Variants in PRR5L observed in about 807,000 individuals in gnomAD.
The protein encoded by PRR5L is proline rich 5 like.
A neutral mutation model predicts 36.4 loss-of-function variants in PRR5L; 21 were observed. The observed-to-expected ratio is 0.58, with a 90% CI of 0.41 to 0.83. PRR5L has a LOEUF of 0.83. PRR5L is among the 40% of genes least tolerant of loss of function. The pLI, the probability that PRR5L is intolerant of heterozygous loss-of-function variation, is 0.00. For synonymous variants in PRR5L, 188 were observed against 197.0 expected, an observed-to-expected ratio of 0.95 and a Z score of 0.38; for missense variants, 381 against 473.3, an observed-to-expected ratio of 0.80 and a Z score of 1.81.
In PRR5L at chr11:36,459,655, A is replaced by G. The variant is rs143984868; in HGVS notation, c.713-2687A>G. 3.4e-3 allele frequency among the ~76,000 whole-genome samples: 525 copies of G among 152,312 alleles called. 3 individuals carry two copies. The highest frequency in any genetic ancestry group is 6.1e-3 in the Non-Finnish European group (412 of 68,014). ...CAGTGGTGATAGCAGTACCCAGCTC[A>G]TTGGGTTGAGAGGATTTAATTATTC... On this transcript the variant is annotated intron_variant, in intron 8 of 8. Coordinates refer to ENST00000530639, the MANE Select transcript of PRR5L (RefSeq NM_001160167.2).
At chr11:36,361,890 G>A (rs12575749) in intron 1 of PRR5L, among the ~76,000 whole-genome samples, 2 of 151,856 alleles carry the variant, frequency 1.3e-5, no homozygotes, top group East Asian at 3.9e-4. Context: ...CTCTTCCCTC[G>A]AGGGGCTTGG....
intron 5 of PRR5L, among the ~76,000 whole-genome samples, chr11:36,434,805 G>A (rs1858571478): frequency 6.6e-6 from 1 of 152,048 alleles, no homozygotes; most frequent in African/African-American, 2.4e-5. Context: ...TGCTGGGTCT[G>A]TGTCTGTCAG....
chr11:36,382,338 C>T (rs1055641826), intron 1 of PRR5L, among the ~76,000 whole-genome samples: 2 of 152,192 alleles, frequency 1.3e-5, no homozygotes, highest in African/African-American at 2.4e-5. Context: ...GTGAGTTGCT[C>T]AGTTATTCTG....
intron 5 of PRR5L, among the ~76,000 whole-genome samples, chr11:36,436,106 C>T (rs1221984768): frequency 6.6e-6 from 1 of 152,260 alleles, no homozygotes; most frequent in African/African-American, 2.4e-5. Context: ...TTTGGACCTC[C>T]TGGCTACTAG....
intron 1 of PRR5L, chr11:36,380,479 C>T (rs1167037095): frequency 1.3e-5 from 2 of 152,184 alleles, no homozygotes; most frequent in Admixed American, 6.5e-5. Context: ...TCCAGTCACT[C>T]AGTCTCCCTC....
At chr11:36,457,857 A>G (rs1008137965) in intron 8 of PRR5L, among the ~76,000 whole-genome samples, 24 of 152,276 alleles carry the variant, frequency 1.6e-4, no homozygotes, top group Middle Eastern at 3.4e-3. Flanking sequence ...AGCAATCTGA[A>G]GTGTGTACTT....
rs1232881603 is a variant in PRR5L at position 36,344,659 on chromosome 11, G to A, written c.-126+48221G>A. 6.6e-6 allele frequency among the ~76,000 whole-genome samples: 1 copy of A among 152,142 alleles called. No individual in the cohort carries two copies. Among genetic ancestry groups the A allele is most frequent in the Non-Finnish European group, 1.5e-5 (1 of 68,026 alleles). On this transcript the variant is annotated intron_variant, in intron 1 of 8. Transcript: ENST00000530639. The surrounding 1 kb of genome is among the most constrained non-coding windows in gnomAD (Gnocchi z 4.1). ...AGAACAGTTTAATGGACATTATGAG[G>A]CATTAGAATGCAAAAAGTGCACTCT...
At chr11:36,439,494 G>T (rs1369195876) in intron 6 of PRR5L, among the ~76,000 whole-genome samples, 1 of 152,146 alleles carries the variant, frequency 6.6e-6, no homozygotes. Flanking sequence ...CTTGAATTCT[G>T]CTTCTCTTCT....
At chr11:36,416,543 G>A (rs1264746774) in intron 3 of PRR5L, among the ~76,000 whole-genome samples, 3 of 152,188 alleles carry the variant, frequency 2.0e-5, no homozygotes, top group African/African-American at 4.8e-5. Context: ...CCCTCTTCAT[G>A]TTCTACTTCT....
chr11:36,372,836 G>C (rs979828229), intron 1 of PRR5L, among the ~76,000 whole-genome samples: 1 of 152,160 alleles, frequency 6.6e-6, no homozygotes, highest in Admixed American at 6.5e-5. Context: ...TTGGCAAGTA[G>C]TTCAAACAAT....
At chr11:36,412,729 C>T (rs576918130) in intron 3 of PRR5L, among the ~76,000 whole-genome samples, 1 of 152,076 alleles carries the variant, frequency 6.6e-6, no homozygotes, top group African/African-American at 2.4e-5. Flanking sequence ...GTGTCTAATG[C>T]CTTGATATTT....
chr11:36,431,464 TAA>T lies in PRR5L; in HGVS notation c.295-381_295-380del, dbSNP rs398115272. 4.1e-5 allele frequency among the ~76,000 whole-genome samples: 6 copies of T among 147,850 alleles called. No homozygotes were observed. The East Asian group carries it at 8.0e-4, about 20-fold the overall frequency. On this transcript the variant is annotated intron_variant, in intron 4 of 8. Coordinates refer to ENST00000530639, the MANE Select transcript of PRR5L (RefSeq NM_001160167.2). Reference sequence around the variant, plus strand: ...GAAGCCCTAAATTTATCTTTTTTTTTAAAAAAAAATATGTTATTTCTGCATAG... The same window carrying T: ...GAAGCCCTAAATTTATCTTTTTTTTTAAAAAAATATGTTATTTCTGCATAG...
intron 1 of PRR5L, among the ~76,000 whole-genome samples, chr11:36,325,381 C>T (rs192017454): frequency 2.1e-3 from 313 of 152,306 alleles, no homozygotes; most frequent in South Asian, 3.3e-3. Flanking sequence ...CAGTGGTGGA[C>T]GGGGAGCGAA....
chr11:36,317,837 GT>G (rs2133460845), intron 1 of PRR5L, among the ~76,000 whole-genome samples: 1 of 152,280 alleles, frequency 6.6e-6, no homozygotes, highest in African/African-American at 2.4e-5. Context: ...TGACACTTCT[GT>G]GAAATACGTG....
At chr11:36,317,693 G>C (rs1054035622) in intron 1 of PRR5L, among the ~76,000 whole-genome samples, 1 of 152,190 alleles carries the variant, frequency 6.6e-6, no homozygotes, top group Admixed American at 6.5e-5. Context: ...ATACCTATTT[G>C]CATTTTCATG....
At chr11:36,306,668 A>C (rs561532232) in intron 1 of PRR5L, among the ~76,000 whole-genome samples, 140 of 152,248 alleles carry the variant, frequency 9.2e-4, no homozygotes, top group African/African-American at 3.2e-3. Flanking sequence ...GTTGCCTTCT[A>C]ATAAAGGCTT....
chr11:36,400,468 T>A (rs1857767622), intron 1 of PRR5L, among the ~76,000 whole-genome samples: 1 of 152,206 alleles, frequency 6.6e-6, no homozygotes, highest in African/African-American at 2.4e-5. Context: ...GAGTGTGTCC[T>A]GATGAAATGA....
At chr11:36,333,523 T>C (rs1382978525) in intron 1 of PRR5L, among the ~76,000 whole-genome samples, 2 of 152,158 alleles carry the variant, frequency 1.3e-5, no homozygotes, top group African/African-American at 4.8e-5. Flanking sequence ...GGCACAACCA[T>C]ACAACAGAAT....
chr11:36,334,222 G>A (rs561990663), intron 1 of PRR5L, among the ~76,000 whole-genome samples: 67 of 152,256 alleles, frequency 4.4e-4, no homozygotes, highest in African/African-American at 1.6e-3. Context: ...CTTGGGTCCC[G>A]GGGAAATTTC....
Sources: gnomAD v4.1 joint callset for allele counts (sites outside exome capture counted in the v4.1 genomes callset) on GRCh38, gnomAD v4.1.1 for gene constraint, Gnocchi (gnomAD v3.1) non-coding constraint, MANE v1.5 for transcripts, NCBI Gene and HGNC (gene_info 2026-07-23, HGNC 2026-07-21) for gene names.